Variants in PLA2G2E observed in about 807,000 individuals in gnomAD.
PLA2G2E encodes phospholipase A2 group IIE, also known as group IIE secretory phospholipase A2.
In PLA2G2E, 14 loss-of-function variants were observed where a neutral mutation model predicts 16.5. The ratio of observed to expected loss-of-function variants is 0.85; its 90% confidence interval spans 0.56 to 1.33. The LOEUF is 1.33. Ranked by LOEUF, PLA2G2E falls within the 40% of genes most tolerant of loss-of-function variation. The probability of loss-of-function intolerance (pLI) is 0.00; values close to 1 mark genes in which losing one functional copy is unlikely to be tolerated. For missense variants in PLA2G2E, 174 were observed against 190.7 expected, an observed-to-expected ratio of 0.91 and a Z score of 0.52; for synonymous variants, 72 against 77.2, an observed-to-expected ratio of 0.93 and a Z score of 0.36.
intron 1 of PLA2G2E, 92 bp downstream of exon 1, chr1:19,923,428 C>T (rs1331985674): frequency 6.0e-6 from 7 of 1,161,652 alleles, no homozygotes; most frequent in Non-Finnish European, 8.5e-6. Flanking sequence ...TTGGCATCCA[C>T]CACACCCTCG....
At chr1:19,922,922 A>G (rs2045829136) in intron 1 of PLA2G2E, among the ~76,000 whole-genome samples, 167 bp from the exon 2 acceptor site, 2 of 152,046 alleles carry the variant, frequency 1.3e-5, no homozygotes, top group Non-Finnish European at 2.9e-5. Flanking sequence ...AAGTAATAAT[A>G]TTGCCAGTGA....
At chr1:19,922,893 C>T in intron 1 of PLA2G2E, 138 bp from the exon 2 acceptor site, 2 of 864,070 alleles carry the variant, frequency 2.3e-6, no homozygotes, top group Non-Finnish European at 3.5e-6. Context: ...AACCCACTCT[C>T]AACAACAACC....
intron 3 of PLA2G2E, among the ~76,000 whole-genome samples, chr1:19,921,177 T>C (rs1013048666): frequency 1.3e-5 from 2 of 152,222 alleles, no homozygotes; most frequent in Non-Finnish European, 2.9e-5. Flanking sequence ...AGGTGCCTCA[T>C]TTCCCCTCTT....
In PLA2G2E at chr1:19,923,594, A is replaced by G; in HGVS notation, c.-35T>C. On this transcript the variant is annotated 5_prime_UTR_variant, in exon 1 of 4. The change abolishes an upstream ATG in the 5' untranslated region. Transcript: ENST00000375116. ...GGGGGAAGGGAGGTGCACAAGGAGC[A>G]TAAAAGGCAGCAGAAGAAAGCAGCA... 1 of 1,541,462 alleles carries G rather than the reference A, an allele frequency of 6.5e-7. No individual in the cohort carries two copies.
In PLA2G2E at chr1:19,920,957, C is replaced by T. The variant is rs2045809424; in HGVS notation, c.287-508G>A. 6.6e-6 allele frequency among the ~76,000 whole-genome samples: 1 copy of T among 152,214 alleles called. No individual in the cohort carries two copies. Among genetic ancestry groups the T allele is most frequent in the Admixed American group, 6.5e-5 (1 of 15,282 alleles). On this transcript the variant is annotated intron_variant, in intron 3 of 3. Transcript: ENST00000375116. The surrounding 1 kb of genome is among the most constrained non-coding windows in gnomAD (Gnocchi z 4.3). ...CTGCTCAGGGCCCTCTGCCTGTCCT[C>T]ATCAGAGTGGACAGAGCCCAGTTTT... is the stretch of plus-strand genomic sequence containing the variant.
In PLA2G2E at chr1:19,922,347, G is replaced by C. The variant is rs2045822942; in HGVS notation, c.237C>G (p.Pro79=). The C allele has an allele frequency of 6.2e-7, 1 of 1,613,952 alleles. No homozygotes were observed. Among genetic ancestry groups the C allele is most frequent in the South Asian group, 1.1e-5 (1 of 91,074 alleles). The change falls in exon 3 of 4, where the codon CCC becomes CCG. Residue 79 remains proline (P), a synonymous_variant. Coordinates refer to ENST00000375116, the MANE Select transcript of PLA2G2E (RefSeq NM_014589.3). ...YGRLEKLGCE[P]KLEKYLFSVS... is the part of the protein sequence containing the mutation. ...CAGAGAAAAGATACTTTTCCAGTTT[G>C]GGCTCACAGCCCAGCTTCTCCAGAC...
Position 19,920,368 on chromosome 1 carries a change from T to C in PLA2G2E, c.368A>G (p.Tyr123Cys). 6.2e-7 allele frequency: 1 copy of C among 1,613,810 alleles called. No individual in the cohort carries two copies. Among genetic ancestry groups the C allele is most frequent in the Non-Finnish European group, 8.5e-7 (1 of 1,179,832 alleles). ...GGGATAATGGGCATATTTGCGGTTGTAGGTGCCCAGGTTGCGGCGAAAGCA... is the reference window on the plus strand; with the variant it reads ...GGGATAATGGGCATATTTGCGGTTGCAGGTGCCCAGGTTGCGGCGAAAGCA... ...ALCFRRNLGT[Y>C]NRKYAHYPNK... The change falls in exon 4 of 4, where the codon TAC becomes TGC. Residue 123 changes from tyrosine (Y) to cysteine (C), a missense_variant. Coordinates refer to ENST00000375116, the MANE Select transcript of PLA2G2E (RefSeq NM_014589.3). This position sits in a 1 kb window ranked among gnomAD's most constrained non-coding sequence, Gnocchi z 4.3.
chr1:19,922,242 T>G (rs2045821797), intron 3 of PLA2G2E, 56 bp downstream of exon 3: 1 of 1,258,388 alleles, frequency 7.9e-7, no homozygotes, highest in Non-Finnish European at 1.2e-6. Flanking sequence ...TGTCTTAAGC[T>G]GCCTCCACCC....
At chr1:19,921,428 G>A (rs1457395673) in intron 3 of PLA2G2E, among the ~76,000 whole-genome samples, 1 of 152,222 alleles carries the variant, frequency 6.6e-6, no homozygotes. Context: ...GTGACGCCCT[G>A]GGTAGAATCC....
At chr1:19,922,834 GATCACAGGC>G in intron 1 of PLA2G2E, 79 bp from the exon 2 acceptor site, 1 of 1,530,088 alleles carries the variant, frequency 6.5e-7, no homozygotes, top group Non-Finnish European at 8.9e-7. Context: ...CCTCAAATCT[GATCACAGGC>G]ATCTCTCCAG....
At chr1:19,922,779 G>C (rs771864288) in intron 1 of PLA2G2E, 24 bp from the exon 2 acceptor site, 1 of 1,610,350 alleles carries the variant, frequency 6.2e-7, no homozygotes, top group Non-Finnish European at 8.5e-7. Flanking sequence ...GAGGGAGAGG[G>C]AGAGGGAGGG....
chr1:19,922,276 C>A, intron 3 of PLA2G2E, 22 bp downstream of exon 3: 4 of 1,561,880 alleles, frequency 2.6e-6, no homozygotes, highest in South Asian at 2.2e-5. Flanking sequence ...GTGTCTAGGT[C>A]ACTTCAGGGC....
intron 1 of PLA2G2E, 41 bp from the exon 2 acceptor site, chr1:19,922,796 C>A (rs765650230): frequency 6.2e-7 from 1 of 1,607,054 alleles, no homozygotes; most frequent in Non-Finnish European, 8.5e-7. Flanking sequence ...AGGGCCCCAC[C>A]CTCTGCAGCC....
In PLA2G2E at chr1:19,923,604, G is replaced by A; in HGVS notation, c.-45C>T. 2.0e-6 allele frequency: 3 copies of A among 1,516,068 alleles called. No individual in the cohort carries two copies. The highest frequency in any genetic ancestry group is 4.0e-5 in the Admixed American group (2 of 49,508). The allele number at this position is 1,516,068 out of a possible 1,614,324, so 93.9% of individuals were successfully genotyped here. A position where few individuals can be genotyped will look rare whatever the true frequency, so the allele number is the denominator to read the frequency against. ...AGGTGCACAAGGAGCATAAAAGGCA[G>A]CAGAAGAAAGCAGCAGGGCCACCTC... On this transcript the variant is annotated 5_prime_UTR_variant, in exon 1 of 4. Transcript: ENST00000375116.
intron 1 of PLA2G2E, among the ~76,000 whole-genome samples, chr1:19,923,000 C>T (rs962791085): frequency 2.6e-5 from 4 of 152,180 alleles, no homozygotes; most frequent in Non-Finnish European, 5.9e-5. Flanking sequence ...TCCCCTCCCA[C>T]TCTTCTATCT....
At chr1:19,922,477 C>G in intron 2 of PLA2G2E, 73 bp from the exon 3 acceptor site, 2 of 1,552,132 alleles carry the variant, frequency 1.3e-6, no homozygotes, top group Non-Finnish European at 1.8e-6. Flanking sequence ...CTCGGGGCCC[C>G]CGAGCCCAAA....
chr1:19,923,432 AC>A, intron 1 of PLA2G2E, 87 bp downstream of exon 1: 1 of 1,178,494 alleles, frequency 8.5e-7, no homozygotes, highest in African/African-American at 1.5e-5. Flanking sequence ...CATCCACCAC[AC>A]CCTCGGTAGG....
At chr1:19,922,188 T>C (rs1302035885) in intron 3 of PLA2G2E, 110 bp downstream of exon 3, 2 of 714,008 alleles carry the variant, frequency 2.8e-6, no homozygotes, top group African/African-American at 1.8e-5. Context: ...CAGCCCAGGG[T>C]CTGGCTCTGA....
Position 19,922,326 on chromosome 1 carries a change from G to C in PLA2G2E, c.258C>G (p.Phe86Leu), listed in dbSNP as rs1450420106. 4.3e-6 allele frequency: 7 copies of C among 1,613,934 alleles called. No homozygotes were observed. Among genetic ancestry groups the C allele is most frequent in the Non-Finnish European group, 5.9e-6 (7 of 1,179,908 alleles). ...GCEPKLEKYL[F>L]SVSERGIFCA... ...AGAAAATGCCACGTTCGCTGACAGA[G>C]AAAAGATACTTTTCCAGTTTGGGCT... Residue 86 changes from phenylalanine (F) to leucine (L), a missense_variant, in exon 3 of 4, where the codon TTC becomes TTG. Physicochemically the swap from Phe to Leu is conservative, Grantham distance 22. Coordinates refer to ENST00000375116, the MANE Select transcript of PLA2G2E (RefSeq NM_014589.3).
Sources: gnomAD v4.1 joint callset for allele counts (sites outside exome capture counted in the v4.1 genomes callset) on GRCh38, gnomAD v4.1.1 for gene constraint, Gnocchi (gnomAD v3.1) non-coding constraint, MANE v1.5 for transcripts, NCBI Gene and HGNC (gene_info 2026-07-23, HGNC 2026-07-21) for gene names.